ERAP1: variants seen among roughly 807,000 people sequenced by gnomAD.
ERAP1 encodes endoplasmic reticulum aminopeptidase 1.
Under a neutral mutation model 103.7 loss-of-function variants are expected in ERAP1, and 86 were observed. The ratio of observed to expected loss-of-function variants is 0.83; its 90% CI spans 0.70 to 0.99. The LOEUF is 0.99. ERAP1 is among the 50% of genes least tolerant of loss of function. The pLI is 0.00. For synonymous variants in ERAP1, 398 were observed against 402.4 expected (o/e 0.99, Z 0.13); for missense variants, 1,009 against 1,128.4 (o/e 0.89, Z 1.52).
chr5:96,783,128 A>G lies in ERAP1; in HGVS notation c.2208T>C (p.Cys736=). Reference sequence around the variant, plus strand: ...GTACGCACGGCTGATAGTTGTGCACACAGGCGAGGAGTAGTAGTTGACTCC... The same window carrying G: ...GTACGCACGGCTGATAGTTGTGCACGCAGGCGAGGAGTAGTAGTTGACTCC... ...MLRSQLLLLA[C]VHNYQPCVQR... Residue 736 remains cysteine, a synonymous_variant, in exon 15 of 19, where the codon TGT becomes TGC. Coordinates refer to ENST00000443439, the MANE Select transcript of ERAP1 (RefSeq NM_001040458.3). The G allele has an allele frequency of 6.2e-7, 1 of 1,614,210 alleles. No individual in the cohort carries two copies. Among genetic ancestry groups the G allele is most frequent in the South Asian group, 1.1e-5 (1 of 91,088 alleles).
chr5:96,783,193 T>G lies in ERAP1; in HGVS notation c.2143A>C (p.Thr715Pro), dbSNP rs1462500273. 1.2e-6 allele frequency: 2 copies of G among 1,613,476 alleles called. No homozygotes were observed. Among genetic ancestry groups the G allele is most frequent in the Non-Finnish European group, 1.7e-6 (2 of 1,179,478 alleles). The change falls in exon 15 of 19, where the codon ACA becomes CCA. Residue 715 changes from threonine (T) to proline (P), a missense_variant. Physicochemically the swap from Thr to Pro is conservative, Grantham distance 38. Coordinates refer to ENST00000443439, the MANE Select transcript of ERAP1 (RefSeq NM_001040458.3). ...RLLRDLIDKQ[T>P]WTDEGSVSER... ...GAGACTGAGCCCTCGTCTGTCCATG[T>G]CTGCTTATCAATGAGGTCCCTTAGC...
At chr5:96,785,666 T>TG (rs1775895253) in intron 13 of ERAP1, 122 bp downstream of exon 13, 1 of 1,124,054 alleles carries the variant, frequency 8.9e-7, no homozygotes, top group Non-Finnish European at 1.3e-6. Context: ...TAGAAGAACT[T>TG]AAAGGAAAAC....
At chr5:96,813,647 T>G in the ERAP1 span, among the ~76,000 whole-genome samples, 2 of 25,390 alleles carry the variant, frequency 7.9e-5, 1 homozygote, top group Non-Finnish European at 1.5e-4. Flanking sequence ...GCAAGACTCA[T>G]CTCAAAAAAA....
chr5:96,855,115 T>C, the ERAP1 span, among the ~76,000 whole-genome samples: 3 of 152,196 alleles, frequency 2.0e-5, no homozygotes, highest in African/African-American at 7.2e-5. Flanking sequence ...GTTTAAAACA[T>C]TAGCATGTTG....
chr5:96,915,608 A>G, the ERAP1 span: 2 of 730,714 alleles, frequency 2.7e-6, no homozygotes, highest in Admixed American at 3.1e-5. Context: ...ATTAATATAC[A>G]TTAAAAATAT....
the ERAP1 span, chr5:96,917,542 A>G: frequency 6.2e-7 from 1 of 1,614,118 alleles, no homozygotes; most frequent in Non-Finnish European, 8.5e-7. Context: ...CGATAACCAA[A>G]AATATAAAAT....
the ERAP1 span, chr5:96,900,179 C>A: frequency 1.9e-6 from 3 of 1,613,674 alleles, no homozygotes; most frequent in Non-Finnish European, 1.7e-6. Flanking sequence ...CCCAAGATGA[C>A]AAGTAACATG....
At chr5:96,913,523 T>C in the ERAP1 span, 2 of 1,532,824 alleles carry the variant, frequency 1.3e-6, no homozygotes, top group Non-Finnish European at 1.8e-6. Flanking sequence ...TCAAACCAAG[T>C]GTAATCAAAT....
At chr5:96,864,461 T>C in the ERAP1 span, among the ~76,000 whole-genome samples, 2 of 152,282 alleles carry the variant, frequency 1.3e-5, no homozygotes, top group South Asian at 4.2e-4. Context: ...ACAGACAAGA[T>C]GACAGTGAAA....
chr5:96,781,075 C>T lies in ERAP1; in HGVS notation c.2571G>A (p.Trp857Ter), dbSNP rs1353458385. 6.2e-7 allele frequency: 1 copy of T among 1,613,982 alleles called. No homozygotes were observed. The highest frequency in any genetic ancestry group is 8.5e-7 in the Non-Finnish European group (1 of 1,179,996). Reference protein sequence around the residue: ...PLAWQFLRKNWNKLVQKFELG... With the variant: ...PLAWQFLRKN ...CCACTTACTTTTGTACAAGTTTGTT[C>T]CAGTTTTTCCTCAGAAATTGCCAGG... is the stretch of plus-strand genomic sequence containing the variant. Residue 857 changes from tryptophan (W) to a stop codon, truncating the protein, a stop_gained, in exon 17 of 19, where the codon TGG becomes TGA. Transcript: ENST00000443439. LOFTEE classifies it high-confidence loss of function.
chr5:96,854,933 A>T, the ERAP1 span, among the ~76,000 whole-genome samples: 1 of 152,180 alleles, frequency 6.6e-6, no homozygotes, highest in East Asian at 1.9e-4. Context: ...TCTTTTCTTG[A>T]AACTCCCCAA....
chr5:96,920,475 T>G, the ERAP1 span, among the ~76,000 whole-genome samples: 1 of 152,226 alleles, frequency 6.6e-6, no homozygotes, highest in Non-Finnish European at 1.5e-5. Flanking sequence ...CTGAGGAAGT[T>G]CCAGGGGTTT....
At chr5:96,802,079 G>A (rs1321078534) in intron 2 of ERAP1, among the ~76,000 whole-genome samples, 1 of 151,970 alleles carries the variant, frequency 6.6e-6, no homozygotes, top group Admixed American at 6.6e-5. Flanking sequence ...CACTATTGGT[G>A]AGGGGTAAGA....
the ERAP1 span, among the ~76,000 whole-genome samples, chr5:96,826,522 C>A: frequency 6.6e-6 from 1 of 152,162 alleles, no homozygotes; most frequent in South Asian, 2.1e-4. Context: ...AAGCTCTATC[C>A]CTTTTTCTCC....
At chr5:96,858,159 G>C in the ERAP1 span, among the ~76,000 whole-genome samples, 1 of 151,736 alleles carries the variant, frequency 6.6e-6, no homozygotes, top group Non-Finnish European at 1.5e-5. Context: ...TTTGGTTACA[G>C]CAAACATTGA....
In ERAP1 at chr5:96,803,549, G is replaced by A; in HGVS notation, c.378C>T (p.Pro126=). 2.5e-6 allele frequency: 4 copies of A among 1,613,488 alleles called. No homozygotes were observed. Among genetic ancestry groups the A allele is most frequent in the Non-Finnish European group, 3.4e-6 (4 of 1,179,636 alleles). ...SEEPLQVLEH[P]RQEQIALLAP... ...CCAGCAGTGCAATTTGCTCCTGACGGGGGTGTTCCAGGACCTGCAGGGGTT... is the reference window on the plus strand; with the variant it reads ...CCAGCAGTGCAATTTGCTCCTGACGAGGGTGTTCCAGGACCTGCAGGGGTT... Residue 126 remains proline (P), a synonymous_variant, in exon 2 of 19, where the codon CCC becomes CCT. Transcript: ENST00000443439.
Position 96,800,967 on chromosome 5 carries a change from T to G in ERAP1, c.558A>C (p.Ala186=). The change falls in exon 3 of 19, where the codon GCA becomes GCC. Residue 186 remains alanine, a synonymous_variant. Coordinates refer to ENST00000443439, the MANE Select transcript of ERAP1 (RefSeq NM_001040458.3). Reference sequence around the variant, plus strand: ...CAAAGCAGGGAAAGGCCATTCTAGCTGCAGTGGGTTCAAATTGTGTTGATG... The same window carrying G: ...CAAAGCAGGGAAAGGCCATTCTAGCGGCAGTGGGTTCAAATTGTGTTGATG... ...ILASTQFEPT[A]ARMAFPCFDE... 6.2e-7 allele frequency: 1 copy of G among 1,614,208 alleles called. No homozygotes were observed. Among genetic ancestry groups the G allele is most frequent in the East Asian group, 2.2e-5 (1 of 44,884 alleles).
At chr5:96,902,140 T>G in the ERAP1 span, 2 of 592,698 alleles carry the variant, frequency 3.4e-6, no homozygotes, top group Non-Finnish European at 6.0e-6. Context: ...CCTATAAAAT[T>G]TATAAGACCA....
At chr5:96,906,738 G>A in the ERAP1 span, among the ~76,000 whole-genome samples, 82,456 of 152,042 alleles carry the variant, frequency 0.54, 22,419 homozygotes, top group Admixed American at 0.59. Context: ...ACACCTTAAA[G>A]AGAAAACCCC....
Sources: allele counts gnomAD v4.1 joint callset (sites outside exome capture counted in the v4.1 genomes callset), GRCh38; gene constraint gnomAD v4.1.1; transcripts MANE v1.5; gene names NCBI Gene and HGNC (gene_info 2026-07-23, HGNC 2026-07-21).